The following RPL28 variants were observed in gnomAD, a reference collection of about 807,000 sequenced individuals.
The protein encoded by RPL28 is large ribosomal subunit protein eL28.
A neutral mutation model predicts 12.5 loss-of-function variants in RPL28; 4 were observed. That is an observed-to-expected ratio of 0.32 (90% confidence interval 0.16 to 0.73). The LOEUF (loss-of-function observed/expected upper bound fraction) is 0.73, where lower values mean the gene tolerates loss of function less well. RPL28 is among the 30% of genes least tolerant of loss of function. The probability of loss-of-function intolerance (pLI) is 0.66; values close to 1 mark genes in which losing one functional copy is unlikely to be tolerated. For missense variants in RPL28, 214 were observed against 197.7 expected (o/e 1.08, Z -0.49); for synonymous variants, 91 against 72.5 (o/e 1.26, Z -1.30).
chr19:55,391,714 T>C lies in RPL28; in HGVS notation c.*3382T>C. 1 of 1,519,240 alleles carries C rather than the reference T, an allele frequency of 6.6e-7. No homozygotes were observed. The highest frequency in any genetic ancestry group is 8.9e-7 in the Non-Finnish European group (1 of 1,122,722). The allele number at this position is 1,519,240 out of a possible 1,614,324, so 94.1% of individuals were successfully genotyped here. ...ATGAGAAGATTAAATGTGCAAAACC[T>C]GCTTGACTGTGCCCACAAATCCTGA... On this transcript the variant is annotated 3_prime_UTR_variant, in exon 5 of 5. Transcript: ENST00000344063.
chr19:55,388,598 T>C lies in RPL28; in HGVS notation c.*266T>C. On this transcript the variant is annotated 3_prime_UTR_variant, in exon 5 of 5. Coordinates refer to ENST00000344063, the MANE Select transcript of RPL28 (RefSeq NM_000991.5). Reference sequence around the variant, plus strand: ...TTGCTGACTTGTGATTGAGACCTACTGTCCCATTGTGAGGTGGCCTGAAGA... The same window carrying C: ...TTGCTGACTTGTGATTGAGACCTACCGTCCCATTGTGAGGTGGCCTGAAGA... 8.1e-7 allele frequency: 1 copy of C among 1,233,188 alleles called. No individual in the cohort carries two copies. The highest frequency in any genetic ancestry group is 1.0e-6 in the Non-Finnish European group (1 of 988,082). 76.4% of individuals were successfully genotyped at this position (1,233,188 alleles called of 1,614,324 possible). A position where few individuals can be genotyped will look rare whatever the true frequency, so the allele number is the denominator to read the frequency against.
intron 4 of RPL28, among the ~76,000 whole-genome samples, chr19:55,402,108 T>C (rs552787247): frequency 1.3e-5 from 2 of 152,298 alleles, no homozygotes; most frequent in South Asian, 4.2e-4. Flanking sequence ...TTGAGTCCTA[T>C]TATGGTTTTG....
downstream of RPL28, among the ~76,000 whole-genome samples, chr19:55,392,837 A>G (rs567626538): frequency 6.6e-6 from 1 of 152,022 alleles, no homozygotes; most frequent in African/African-American, 2.4e-5. Context: ...CCCCAGCCTC[A>G]TCTTTTAATG....
downstream of RPL28, among the ~76,000 whole-genome samples, chr19:55,396,737 C>G (rs112512646): frequency 6.7e-6 from 1 of 148,824 alleles, no homozygotes; most frequent in East Asian, 2.0e-4. Context: ...CCCACCACCA[C>G]GCCCGGCTAA....
In RPL28 at chr19:55,386,707, G is replaced by T. The variant is rs376890167; in HGVS notation, c.205+14G>T. 6.2e-7 allele frequency: 1 copy of T among 1,613,844 alleles called. No homozygotes were observed. Among genetic ancestry groups the T allele is most frequent in the African/African-American group, 1.3e-5 (1 of 74,934 alleles). ...AGCGGAGATCCGGTGAGTTTTGTCT[G>T]GTTTGGGCCAGAGAGCGGCCCCTTT... On this transcript the variant is annotated intron_variant, in intron 3 of 4. Coordinates refer to ENST00000344063, the MANE Select transcript of RPL28 (RefSeq NM_000991.5).
In RPL28 at chr19:55,386,738, G is replaced by T. The variant is rs753048077; in HGVS notation, c.205+45G>T. 1.9e-6 allele frequency: 3 copies of T among 1,611,602 alleles called. No individual in the cohort carries two copies. The African/African-American group carries it at 4.0e-5, about 22-fold the overall frequency. On this transcript the variant is annotated intron_variant, in intron 3 of 4. Coordinates refer to ENST00000344063, the MANE Select transcript of RPL28 (RefSeq NM_000991.5). ...GGCCAGAGAGCGGCCCCTTTCCCGG[G>T]TCTGGGAGCTGTGATTTTTTACTGT... is the stretch of plus-strand genomic sequence containing the variant.
At chr19:55,392,853 C>T (rs2090000171), downstream of RPL28, among the ~76,000 whole-genome samples, 1 of 152,148 alleles carries the variant, frequency 6.6e-6, no homozygotes, top group South Asian at 2.1e-4. Context: ...TAATGTCTTA[C>T]ACAGATTGGA....
chr19:55,391,583 C>T lies in RPL28; in HGVS notation c.*3251C>T, dbSNP rs2089990255. The T allele has an allele frequency of 1.9e-6, 3 of 1,548,204 alleles. No individual in the cohort carries two copies. The highest frequency in any genetic ancestry group is 2.6e-6 in the Non-Finnish European group (3 of 1,144,154). ...TGCTGGCATCTACTGGGTCAGGGCTCTGCTGCTCGGTGGCTGTGCAACCTT... is the reference window on the plus strand; with the variant it reads ...TGCTGGCATCTACTGGGTCAGGGCTTTGCTGCTCGGTGGCTGTGCAACCTT... On this transcript the variant is annotated 3_prime_UTR_variant, in exon 5 of 5. Coordinates refer to ENST00000344063, the MANE Select transcript of RPL28 (RefSeq NM_000991.5).
At chr19:55,387,440 C>T (rs901514734) in intron 3 of RPL28, 15 of 1,518,692 alleles carry the variant, frequency 9.9e-6, no homozygotes, top group African/African-American at 4.2e-5. Flanking sequence ...TTGGGGACCC[C>T]GTTCTGGGGA....
At chr19:55,402,755 T>A (rs1971360674) in intron 4 of RPL28, among the ~76,000 whole-genome samples, 1 of 151,978 alleles carries the variant, frequency 6.6e-6, no homozygotes, top group South Asian at 2.1e-4. Flanking sequence ...GGTGCCAATG[T>A]CCCCAGCAGC....
In RPL28 at chr19:55,388,083, C is replaced by T. The variant is rs1462343712; in HGVS notation, c.324+35C>T. ...GGTTTGGGGATCAGGCTTGGGGAGA[C>T]TGGCCAGTGCTGTGGGGAAGGGCCT... On this transcript the variant is annotated intron_variant, in intron 4 of 4. Coordinates refer to ENST00000344063, the MANE Select transcript of RPL28 (RefSeq NM_000991.5). 3.7e-6 allele frequency: 6 copies of T among 1,611,016 alleles called. No individual in the cohort carries two copies. In the Middle Eastern group the frequency reaches 5.0e-4, roughly 133 times the overall value.
At chr19:55,396,417 AC>A (rs1343521943), downstream of RPL28, among the ~76,000 whole-genome samples, 2 of 148,880 alleles carry the variant, frequency 1.3e-5, no homozygotes, top group Non-Finnish European at 3.0e-5. Context: ...AGACCCTCAA[AC>A]CACCCAAGTA....
chr19:55,387,210 C>A, intron 3 of RPL28: 1 of 1,428,784 alleles, frequency 7.0e-7, no homozygotes, highest in South Asian at 1.2e-5. Flanking sequence ...CCTGAATGTT[C>A]GTGTGAGTCG....
chr19:55,391,731 A>C lies in RPL28; in HGVS notation c.*3399A>C. ...GCAAAACCTGCTTGACTGTGCCCAC[A>C]AATCCTGATTGTAGGAATAAATTAA... On this transcript the variant is annotated 3_prime_UTR_variant, in exon 5 of 5. Transcript: ENST00000344063. 6.6e-7 allele frequency: 1 copy of C among 1,510,298 alleles called. No individual in the cohort carries two copies. Among genetic ancestry groups the C allele is most frequent in the Non-Finnish European group, 9.0e-7 (1 of 1,115,810 alleles). The allele number at this position is 1,510,298 out of a possible 1,614,324, so 93.6% of individuals were successfully genotyped here.
At chr19:55,396,405 C>T (rs953046471), downstream of RPL28, among the ~76,000 whole-genome samples, 3 of 150,392 alleles carry the variant, frequency 2.0e-5, no homozygotes, top group African/African-American at 7.3e-5. Context: ...TGGAAGACTA[C>T]CAGACCCTCA....
chr19:55,401,565 G>T (rs547183178), intron 4 of RPL28: 3 of 1,610,158 alleles, frequency 1.9e-6, no homozygotes, highest in South Asian at 2.2e-5. Flanking sequence ...CCCCAGGGTC[G>T]GTGGAGGAAG....
chr19:55,396,981 G>A (rs1181782766), downstream of RPL28, among the ~76,000 whole-genome samples: 1 of 151,996 alleles, frequency 6.6e-6, no homozygotes, highest in African/African-American at 2.4e-5. Context: ...CCAGGCTCAA[G>A]CCATCCTCCC....
chr19:55,401,680 T>C (rs2090060028), intron 4 of RPL28: 3 of 1,612,740 alleles, frequency 1.9e-6, no homozygotes, highest in Admixed American at 1.7e-5. Flanking sequence ...CGCATACTCC[T>C]CGTAGTTCTC....
chr19:55,402,658 C>G (rs2090069014), intron 4 of RPL28, among the ~76,000 whole-genome samples: 1 of 152,184 alleles, frequency 6.6e-6, no homozygotes, highest in Non-Finnish European at 1.5e-5. Context: ...ATCACTGCAC[C>G]CAAACTGCAG....
Sources: allele counts gnomAD v4.1 joint callset (sites outside exome capture counted in the v4.1 genomes callset), GRCh38; gene constraint gnomAD v4.1.1; transcripts MANE v1.5; gene names NCBI Gene and HGNC (gene_info 2026-07-23, HGNC 2026-07-21).